ATG7: variants seen among roughly 807,000 people sequenced by gnomAD.
The protein encoded by ATG7 is autophagy related 7, also known as ubiquitin-like modifier-activating enzyme ATG7.
ATG7 carries 70 observed loss-of-function variants against 82.4 expected under a neutral mutation model. The ratio of observed to expected loss-of-function variants is 0.85; its 90% confidence interval spans 0.70 to 1.04. The LOEUF is 1.04. ATG7 is among the 50% of genes least tolerant of loss of function. The probability of loss-of-function intolerance (pLI) is 0.00; values close to 1 mark genes in which losing one functional copy is unlikely to be tolerated. For synonymous variants in ATG7, 287 were observed against 313.0 expected, an observed-to-expected ratio of 0.92 and a Z score of 0.88; for missense variants, 792 against 864.3, an observed-to-expected ratio of 0.92 and a Z score of 1.05.
intron 19 of ATG7, among the ~76,000 whole-genome samples, chr3:11,416,154 A>G (rs940399327): frequency 2.6e-5 from 4 of 152,208 alleles, no homozygotes; most frequent in African/African-American, 4.8e-5. Context: ...CATGAGATAT[A>G]TTGGTCTGTA....
At chr3:11,440,364 G>A (rs1314238699) in intron 20 of ATG7, among the ~76,000 whole-genome samples, 5 of 120,178 alleles carry the variant, frequency 4.2e-5, no homozygotes, top group East Asian at 2.5e-4. Context: ...TCGCTCTGTC[G>A]CCCAGGCTGG....
chr3:11,368,044 A>G lies in ATG7; in HGVS notation c.1875+3310A>G, dbSNP rs56044400. On this transcript the variant is annotated intron_variant, in intron 18 of 20. Transcript: ENST00000693202. The stretch of plus-strand genomic sequence containing the variant: ...TTCGGATTATTATTGCATCCTTCCT[A>G]TAGAGAGGTAAGCACCTCTTGATTA... Among the ~76,000 whole-genome samples, 935 of 151,942 alleles carry G rather than the reference A, an allele frequency of 6.2e-3. 10 individuals carry two copies. Among genetic ancestry groups the G allele is most frequent in the African/African-American group, 0.021 (870 of 41,464 alleles).
chr3:11,385,041 TTTG>T (rs899464586), intron 19 of ATG7, among the ~76,000 whole-genome samples: 3 of 152,100 alleles, frequency 2.0e-5, no homozygotes, highest in African/African-American at 7.2e-5. Context: ...TGTTTGTTTG[TTTG>T]TTTTGGGACG....
chr3:11,363,206 G>C (rs146258438), intron 17 of ATG7: 16 of 251,724 alleles, frequency 6.4e-5, no homozygotes, highest in African/African-American at 3.7e-4. Flanking sequence ...GCTAGGCACT[G>C]TTCTAAGCAC....
At chr3:11,386,703 C>T (rs185055054) in intron 19 of ATG7, among the ~76,000 whole-genome samples, 2 of 152,304 alleles carry the variant, frequency 1.3e-5, no homozygotes, top group Admixed American at 6.5e-5. Flanking sequence ...TTCTCTTTTC[C>T]TATCTCATTT....
intron 20 of ATG7, among the ~76,000 whole-genome samples, chr3:11,467,761 C>A (rs916943808): frequency 2.6e-5 from 4 of 152,114 alleles, no homozygotes; most frequent in Non-Finnish European, 4.4e-5. Flanking sequence ...GTCTACCACC[C>A]CAGCCCCACT....
At chr3:11,295,301 C>A (rs1945691623) in intron 3 of ATG7, among the ~76,000 whole-genome samples, 1 of 152,150 alleles carries the variant, frequency 6.6e-6, no homozygotes, top group Admixed American at 6.5e-5. Context: ...ATAATTCCCA[C>A]CTCATTCCTT....
chr3:11,510,643 T>C (rs981436204), intron 20 of ATG7, among the ~76,000 whole-genome samples: 4 of 152,196 alleles, frequency 2.6e-5, no homozygotes, highest in Admixed American at 2.0e-4. Context: ...CTGTCCTTTC[T>C]TTACATCCTC....
intron 20 of ATG7, among the ~76,000 whole-genome samples, chr3:11,455,193 A>G (rs972992779): frequency 6.6e-6 from 1 of 152,240 alleles, no homozygotes; most frequent in African/African-American, 2.4e-5. Flanking sequence ...AAAGCAGTGT[A>G]GAATGCCTTG....
chr3:11,525,596 C>T (rs2092559883), intron 20 of ATG7, among the ~76,000 whole-genome samples: 1 of 150,134 alleles, frequency 6.7e-6, no homozygotes, highest in South Asian at 2.1e-4. Flanking sequence ...GCTCTGTCGC[C>T]CAGGCTGGAG....
intron 18 of ATG7, among the ~76,000 whole-genome samples, chr3:11,368,413 G>A (rs909660550): frequency 3.3e-5 from 5 of 151,980 alleles, no homozygotes; most frequent in South Asian, 4.2e-4. Context: ...TTGGTTTGCC[G>A]GCTGGCAAGA....
intron 20 of ATG7, among the ~76,000 whole-genome samples, chr3:11,440,359 C>G (rs1378006767): frequency 1.6e-5 from 2 of 127,296 alleles, no homozygotes; most frequent in African/African-American, 5.9e-5. Context: ...GAGTCTCGCT[C>G]TGTCGCCCAG....
intron 20 of ATG7, among the ~76,000 whole-genome samples, chr3:11,497,533 CAAAAAAAAAAA>C (rs760302631): frequency 1.3e-5 from 1 of 77,450 alleles, no homozygotes; most frequent in Non-Finnish European, 2.6e-5. Flanking sequence ...GAGACTCCAC[CAAAAAAAAAAA>C]AAAAAAAAAA....
At chr3:11,494,648 C>T (rs967381705) in intron 20 of ATG7, among the ~76,000 whole-genome samples, 2 of 152,124 alleles carry the variant, frequency 1.3e-5, no homozygotes, top group Non-Finnish European at 2.9e-5. Context: ...TTGAGCAGAG[C>T]AGAATAGATC....
intron 14 of ATG7, among the ~76,000 whole-genome samples, chr3:11,356,564 G>T (rs1412317532): frequency 6.6e-6 from 1 of 152,118 alleles, no homozygotes; most frequent in Admixed American, 6.6e-5. Context: ...ATTTATTTAG[G>T]TTAGCAAAGT....
At chr3:11,349,027 A>G (rs923380970) in intron 14 of ATG7, among the ~76,000 whole-genome samples, 5 of 152,130 alleles carry the variant, frequency 3.3e-5, no homozygotes, top group East Asian at 3.9e-4. Context: ...TCCTCTAGCT[A>G]GACACAGAGC....
intron 6 of ATG7, 96 bp downstream of exon 6, chr3:11,307,156 G>A: frequency 9.0e-7 from 1 of 1,113,278 alleles, no homozygotes; most frequent in Non-Finnish European, 1.3e-6. Context: ...GCAGAAACTG[G>A]CATATGAAGG....
intron 20 of ATG7, among the ~76,000 whole-genome samples, chr3:11,501,811 T>G (rs1300346289): frequency 6.6e-6 from 1 of 152,152 alleles, no homozygotes; most frequent in Non-Finnish European, 1.5e-5. Context: ...TGCCTCAGCC[T>G]CCTGAGTAGC....
Position 11,517,831 on chromosome 3 carries a change from C to G in ATG7, c.2080-36980C>G, listed in dbSNP as rs149925101. 1.3e-4 allele frequency among the ~76,000 whole-genome samples: 20 copies of G among 152,306 alleles called. No homozygotes were observed. The East Asian group carries it at 3.9e-3, about 29-fold the overall frequency. ...AAGCACAGGCTGGGGCCGTGCCATG[C>G]AAGGCTTTGCCAGCTATACAAGGGC... On this transcript the variant is annotated intron_variant, in intron 20 of 20. Coordinates refer to ENST00000693202, the MANE Select transcript of ATG7 (RefSeq NM_001349232.2).
Sources: gnomAD v4.1 joint callset for allele counts (sites outside exome capture counted in the v4.1 genomes callset) on GRCh38, gnomAD v4.1.1 for gene constraint, MANE v1.5 for transcripts, NCBI Gene and HGNC (gene_info 2026-07-23, HGNC 2026-07-21) for gene names.